Variants in NEXMIF observed in about 807,000 individuals in gnomAD.
NEXMIF encodes the protein XLMR protein related to neurite extension.
A neutral mutation model predicts 62.1 loss-of-function variants in NEXMIF; 8 were observed. That is an observed-to-expected ratio of 0.13 (90% CI 0.08 to 0.23). NEXMIF has a LOEUF of 0.23. Ranked by LOEUF, NEXMIF falls within the 10% of genes least tolerant of loss-of-function variation. The probability of loss-of-function intolerance (pLI) is 1.00; values close to 1 mark genes in which losing one functional copy is unlikely to be tolerated. For synonymous variants in NEXMIF, 404 were observed against 416.6 expected, an observed-to-expected ratio of 0.97 and a Z score of 0.37; for missense variants, 976 against 1,113.3, an observed-to-expected ratio of 0.88 and a Z score of 1.75.
chrX:74,761,208 G>C (rs972902539), intron 1 of NEXMIF, among the ~76,000 whole-genome samples: 2 of 111,065 alleles, frequency 1.8e-5, no homozygotes, highest in Non-Finnish European at 3.8e-5. Context: ...CCAGGCTTTT[G>C]AATCAGGATG....
intron 1 of NEXMIF, among the ~76,000 whole-genome samples, chrX:74,901,676 C>G (rs1425850760): frequency 9.0e-6 from 1 of 111,677 alleles, no homozygotes; most frequent in Non-Finnish European, 1.9e-5. Flanking sequence ...GAAATGGGGG[C>G]TGTTCTACTA....
intron 1 of NEXMIF, among the ~76,000 whole-genome samples, chrX:74,788,263 A>G (rs963698156): frequency 1.8e-5 from 2 of 112,094 alleles, no homozygotes; most frequent in African/African-American, 6.5e-5. Flanking sequence ...TCTCCTGATC[A>G]AGGTAAACAG....
intron 1 of NEXMIF, among the ~76,000 whole-genome samples, chrX:74,866,809 C>T (rs1158439157): frequency 1.8e-5 from 2 of 112,765 alleles, no homozygotes; most frequent in Non-Finnish European, 3.7e-5. Context: ...GCTCCCCCTT[C>T]ACCTTCCGCC....
chrX:74,736,808 C>A lies in NEXMIF; in HGVS notation c.*2597G>T, dbSNP rs749204941. 8.9e-6 allele frequency: 1 copy of A among 112,299 alleles called. No individual in the cohort carries two copies. The highest frequency in any genetic ancestry group is 1.9e-5 in the Non-Finnish European group (1 of 53,189). The allele number at this position is 112,299 out of a possible 1,213,427, so 9.3% of individuals were successfully genotyped here. On this transcript the variant is annotated 3_prime_UTR_variant, in exon 4 of 4. Transcript: ENST00000055682. ...TTATATATTAAAAACATATAATACA[C>A]TGCAGGCCAATTAAAAAGGTACTTT...
chrX:74,860,496 A>T (rs766692045), intron 1 of NEXMIF, among the ~76,000 whole-genome samples: 11 of 112,247 alleles, frequency 9.8e-5, no homozygotes, highest in South Asian at 3.6e-4. Flanking sequence ...CAAAGAGACC[A>T]TATGTTAGGT....
intron 1 of NEXMIF, among the ~76,000 whole-genome samples, chrX:74,890,545 C>A (rs938289556): frequency 2.7e-5 from 3 of 111,622 alleles, no homozygotes; most frequent in African/African-American, 9.8e-5. Context: ...CTAAAATGCG[C>A]TATGAATTAT....
chrX:74,746,380 T>C (rs1306950956), intron 1 of NEXMIF, among the ~76,000 whole-genome samples: 1 of 111,871 alleles, frequency 8.9e-6, no homozygotes, highest in Non-Finnish European at 1.9e-5. Flanking sequence ...TCATCTGATA[T>C]TTTTAGGTCA....
intron 1 of NEXMIF, among the ~76,000 whole-genome samples, chrX:74,834,729 C>A (rs191352847): frequency 7.0e-4 from 78 of 111,653 alleles, no homozygotes; most frequent in Non-Finnish European, 1.3e-3. Flanking sequence ...CTTTTAGGAT[C>A]CTTTCTTTAT....
At chrX:74,873,660 C>T (rs1326036170) in intron 1 of NEXMIF, among the ~76,000 whole-genome samples, 3 of 111,770 alleles carry the variant, frequency 2.7e-5, no homozygotes, top group African/African-American at 9.8e-5. Flanking sequence ...CTGTTGTTTC[C>T]TGACTTTTTA....
At chrX:74,834,609 T>A (rs186224254) in intron 1 of NEXMIF, among the ~76,000 whole-genome samples, 34 of 111,965 alleles carry the variant, frequency 3.0e-4, no homozygotes, top group Admixed American at 9.5e-5. Flanking sequence ...CTTTAGCCCT[T>A]TAAATATGTC....
At chrX:74,911,129 G>GT (rs1189803201) in intron 1 of NEXMIF, among the ~76,000 whole-genome samples, 2 of 112,047 alleles carry the variant, frequency 1.8e-5, no homozygotes, top group Middle Eastern at 4.6e-3. Context: ...GTCTTCAAAA[G>GT]TAAGTGGCAG....
At chrX:74,805,148 T>C (rs1050037209) in intron 1 of NEXMIF, among the ~76,000 whole-genome samples, 2 of 112,111 alleles carry the variant, frequency 1.8e-5, no homozygotes, top group Non-Finnish European at 3.8e-5. Context: ...AATTCAAGAC[T>C]GTATTTCCTG....
intron 1 of NEXMIF, among the ~76,000 whole-genome samples, chrX:74,780,589 C>G (rs1217784332): frequency 2.8e-5 from 3 of 109,065 alleles, no homozygotes; most frequent in Admixed American, 9.9e-5. Flanking sequence ...GTTGCCCAGA[C>G]TGGTCTCTAA....
At chrX:74,882,636 C>T (rs775194160) in intron 1 of NEXMIF, among the ~76,000 whole-genome samples, 93 of 112,013 alleles carry the variant, frequency 8.3e-4, no homozygotes, top group African/African-American at 2.8e-3. Context: ...AGTAGGTAAA[C>T]GAAGTGTCCA....
chrX:74,785,789 T>C (rs2080258694), intron 1 of NEXMIF, among the ~76,000 whole-genome samples: 1 of 112,073 alleles, frequency 8.9e-6, no homozygotes. Flanking sequence ...CTTGCCAACA[T>C]AACCTTGCTG....
At chrX:74,793,289 T>C (rs867952724) in intron 1 of NEXMIF, among the ~76,000 whole-genome samples, 4 of 110,448 alleles carry the variant, frequency 3.6e-5, no homozygotes, top group Admixed American at 9.6e-5. Flanking sequence ...TCTTTAAGCA[T>C]GTTGAATATT....
intron 1 of NEXMIF, among the ~76,000 whole-genome samples, chrX:74,902,144 C>G (rs2080751196): frequency 9.1e-6 from 1 of 109,675 alleles, no homozygotes; most frequent in African/African-American, 3.3e-5. Context: ...ACCTGAGGAC[C>G]CTGGTCATCT....
chrX:74,865,808 T>C (rs1479962094), intron 1 of NEXMIF, among the ~76,000 whole-genome samples: 1 of 111,904 alleles, frequency 8.9e-6, no homozygotes, highest in East Asian at 2.8e-4. Context: ...TTCCATGTGT[T>C]GTTGAGCTTG....
intron 1 of NEXMIF, among the ~76,000 whole-genome samples, chrX:74,819,071 C>G (rs755894523): frequency 8.9e-6 from 1 of 111,848 alleles, no homozygotes; most frequent in South Asian, 3.7e-4. Context: ...CTTACAAAAA[C>G]AAGAAATGGG....
Sources: allele counts gnomAD v4.1 joint callset (sites outside exome capture counted in the v4.1 genomes callset), GRCh38; gene constraint gnomAD v4.1.1; transcripts MANE v1.5; gene names NCBI Gene and HGNC (gene_info 2026-07-23, HGNC 2026-07-21).